The following SCN10A variants were observed in gnomAD, a reference collection of about 807,000 sequenced individuals.
The protein encoded by SCN10A is sodium voltage-gated channel alpha subunit 10.
SCN10A carries 162 observed loss-of-function variants against 170.7 expected under a neutral mutation model. The observed-to-expected ratio is 0.95, with a 90% CI of 0.84 to 1.08. SCN10A has a LOEUF of 1.08. Ranked by LOEUF, SCN10A falls within the 50% of genes least tolerant of loss-of-function variation. The pLI is 0.00. For synonymous variants in SCN10A, 985 were observed against 904.6 expected (o/e 1.09, Z -1.59); for missense variants, 2,527 against 2,436.9 (o/e 1.04, Z -0.78).
chr3:38,781,274 G>A (rs56661472), intron 4 of SCN10A, among the ~76,000 whole-genome samples: 131 of 152,164 alleles, frequency 8.6e-4, no homozygotes, highest in African/African-American at 2.7e-3. Flanking sequence ...AAAAAAAGTC[G>A]TGGTCACTGC....
rs144527997 is a variant in SCN10A, at chr3:38,809,606, T to G, written c.-33+6431A>C. Among the ~76,000 whole-genome samples, 587 of 152,308 alleles carry G rather than the reference T, an allele frequency of 3.9e-3. 6 individuals carry two copies. Among genetic ancestry groups the G allele is most frequent in the African/African-American group, 0.014 (561 of 41,554 alleles). ...GCAATGGGTTAGTGGTTAGTAGACT[T>G]GAGTCCCAGACACAGGTCTGTAATA... On this transcript the variant is annotated intron_variant, in intron 1 of 27. Transcript: ENST00000449082.
At chr3:38,777,703 C>A (rs59856101) in intron 4 of SCN10A, among the ~76,000 whole-genome samples, 34,276 of 151,936 alleles carry the variant, frequency 0.23, 4,279 homozygotes, top group Middle Eastern at 0.28. Flanking sequence ...TACTATAGAG[C>A]ATTTAAATCC....
In SCN10A at chr3:38,712,269, A is replaced by G; in HGVS notation, c.3981T>C (p.Asn1327=). 6.2e-7 allele frequency: 1 copy of G among 1,614,224 alleles called. No homozygotes were observed. Among genetic ancestry groups the G allele is most frequent in the Non-Finnish European group, 8.5e-7 (1 of 1,180,026 alleles). ...EFSLVPLSIV[N]NKSDCKIQNS... ...TTTGAATCTTGCAGTCAGACTTGTTATTCACAATCGACAAAGGTACAAGGG... is the reference window on the plus strand; with the variant it reads ...TTTGAATCTTGCAGTCAGACTTGTTGTTCACAATCGACAAAGGTACAAGGG... The change falls in exon 23 of 28, where the codon AAT becomes AAC. Residue 1327 remains asparagine (N), a synonymous_variant. Transcript: ENST00000449082.
chr3:38,798,899 C>T (rs1559471839), intron 1 of SCN10A, among the ~76,000 whole-genome samples: 1 of 149,896 alleles, frequency 6.7e-6, no homozygotes, highest in Non-Finnish European at 1.5e-5. Flanking sequence ...AAGTGATCCT[C>T]CCACCTCAGC....
At chr3:38,722,564 C>A in intron 19 of SCN10A, 152 bp from the exon 20 acceptor site, 1 of 790,834 alleles carries the variant, frequency 1.3e-6, no homozygotes, top group East Asian at 2.6e-5. Flanking sequence ...AGAGGGGTCC[C>A]TTCCAGGGAG....
chr3:38,752,779 A>G (rs2063763785), intron 11 of SCN10A, among the ~76,000 whole-genome samples: 2 of 152,228 alleles, frequency 1.3e-5, no homozygotes, highest in South Asian at 2.1e-4. Context: ...TATCATGGTC[A>G]GGAACATGTC....
rs2063100701 is a variant in SCN10A at position 38,697,393 on chromosome 3, C to A, written c.5827G>T (p.Glu1943Ter). The A allele has an allele frequency of 6.2e-7, 1 of 1,614,194 alleles. No homozygotes were observed. Among genetic ancestry groups the A allele is most frequent in the Non-Finnish European group, 8.5e-7 (1 of 1,180,018 alleles). Residue 1943 changes from glutamate (E) to a stop codon, truncating the protein, a stop_gained, in exon 28 of 28, where the codon GAA becomes TAA. Transcript: ENST00000449082. LOFTEE classifies it low-confidence loss of function (END_TRUNC). ...NMRTSSSIQN[E>*]DEATSMELIA... Reference sequence around the variant, plus strand: ...AGCTCCATACTGGTGGCTTCATCTTCATTTTGTATTGAGCTAGATGTCCTC... The same window carrying A: ...AGCTCCATACTGGTGGCTTCATCTTAATTTTGTATTGAGCTAGATGTCCTC...
intron 4 of SCN10A, among the ~76,000 whole-genome samples, chr3:38,785,021 T>C (rs1323008293): frequency 6.6e-6 from 1 of 152,126 alleles, no homozygotes; most frequent in Non-Finnish European, 1.5e-5. Context: ...TGCTCATGGA[T>C]AGGAAAAATC....
At position 38,697,557 on chromosome 3, in the gene SCN10A, G is replaced by C; in HGVS notation, c.5663C>G (p.Ser1888Ter). The C allele has an allele frequency of 6.2e-7, 1 of 1,614,198 alleles. No homozygotes were observed. Among genetic ancestry groups the C allele is most frequent in the Non-Finnish European group, 8.5e-7 (1 of 1,180,030 alleles). The stretch of plus-strand genomic sequence containing the variant: ...TGCAACAAAACCTTCATCTGGGAGT[G>C]ATGCAGCCTCCTCCTCAGCTCTGGG... ...CVPRAEEEAA[S>*]LPDEGFVAFT... Residue 1888 changes from serine to a stop codon, truncating the protein, a stop_gained, in exon 28 of 28, where the codon TCA (serine) becomes TGA (stop). Transcript: ENST00000449082. LOFTEE classifies it low-confidence loss of function (END_TRUNC).
chr3:38,709,092 C>T (rs2063242775), intron 25 of SCN10A, among the ~76,000 whole-genome samples: 1 of 152,154 alleles, frequency 6.6e-6, no homozygotes, highest in Admixed American at 6.5e-5. Context: ...AGTGCTGGGC[C>T]ATGGCCTTTC....
In SCN10A at chr3:38,712,294, GA is replaced by G; in HGVS notation, c.3955del (p.Ser1319ProfsTer8). ...RCINYTDGEF[S>X]LVPLSIVNNK... ...ATTCACAATCGACAAAGGTACAAGG[GA>G]AAACTCTCCATCGGTATAGTTGATG... On this transcript the variant is annotated frameshift_variant, in exon 23 of 28. Transcript: ENST00000449082. LOFTEE classifies it high-confidence loss of function. The G allele has an allele frequency of 2.5e-6, 4 of 1,614,180 alleles. No homozygotes were observed. The highest frequency in any genetic ancestry group is 3.4e-6 in the Non-Finnish European group (4 of 1,180,032).
At chr3:38,707,177 CT>C in intron 26 of SCN10A, 101 bp downstream of exon 26, 1 of 1,244,572 alleles carries the variant, frequency 8.0e-7, no homozygotes, top group African/African-American at 1.5e-5. Flanking sequence ...CAGATCTTCT[CT>C]TCCATAAACA....
chr3:38,777,949 C>T (rs1191324710), intron 4 of SCN10A, among the ~76,000 whole-genome samples: 1 of 152,006 alleles, frequency 6.6e-6, no homozygotes, highest in East Asian at 1.9e-4. Flanking sequence ...AAAACTGTAA[C>T]TTTGAGGAGA....
intron 15 of SCN10A, among the ~76,000 whole-genome samples, chr3:38,731,022 A>G (rs1263164730): frequency 6.6e-6 from 1 of 152,220 alleles, no homozygotes; most frequent in African/African-American, 2.4e-5. Context: ...AAGTCAGTAT[A>G]TCTTAAGCAT....
chr3:38,775,232 A>G (rs1375043661), intron 4 of SCN10A, among the ~76,000 whole-genome samples: 1 of 152,174 alleles, frequency 6.6e-6, no homozygotes, highest in Non-Finnish European at 1.5e-5. Context: ...GTACCCATTA[A>G]ATAATAACTC....
chr3:38,763,377 C>T, intron 6 of SCN10A, 128 bp downstream of exon 6: 1 of 748,440 alleles, frequency 1.3e-6, no homozygotes, highest in Non-Finnish European at 2.3e-6. Context: ...ATACTCCAGG[C>T]CTCAGTTCCT....
Position 38,733,032 on chromosome 3 carries a change from A to G in SCN10A, c.2281-4131T>C, listed in dbSNP as rs528820774. 6.4e-4 allele frequency among the ~76,000 whole-genome samples: 98 copies of G among 152,332 alleles called. 2 individuals are homozygous for G. The South Asian group carries it at 0.019, about 30-fold the overall frequency. ...ATGGTGTAGCCACTGTTTCTTGTGC[A>G]AGAGAAAGGCATGGGGAAAGGAAAG... On this transcript the variant is annotated intron_variant, in intron 15 of 27. Transcript: ENST00000449082.
intron 3 of SCN10A, among the ~76,000 whole-genome samples, chr3:38,789,626 G>A (rs1040921476): frequency 6.6e-6 from 1 of 152,108 alleles, no homozygotes; most frequent in Non-Finnish European, 1.5e-5. Context: ...CTTCTGGGTA[G>A]GAACGGTGGA....
rs1209909236 is a variant in SCN10A at position 38,794,011 on chromosome 3, C to T, written c.-1G>A. ...CGAGGGATCCAATGGGGAATTCCAT[C>T]TTCTCATTCTTCTTCAGGAAGTATT... On this transcript the variant is annotated 5_prime_UTR_variant, in exon 2 of 28. Transcript: ENST00000449082. 3 of 1,612,946 alleles carry T rather than the reference C, an allele frequency of 1.9e-6. No individual in the cohort carries two copies. The highest frequency in any genetic ancestry group is 2.5e-6 in the Non-Finnish European group (3 of 1,179,344).
Sources: allele counts gnomAD v4.1 joint callset (sites outside exome capture counted in the v4.1 genomes callset), GRCh38; gene constraint gnomAD v4.1.1; transcripts MANE v1.5; gene names NCBI Gene and HGNC (gene_info 2026-07-23, HGNC 2026-07-21).